The following VAV3 variants were observed in gnomAD, a reference collection of about 807,000 sequenced individuals.
VAV3 encodes vav guanine nucleotide exchange factor 3, also known as guanine nucleotide exchange factor VAV3.
A neutral mutation model predicts 131.2 loss-of-function variants in VAV3; 94 were observed. The observed-to-expected ratio is 0.72, with a 90% CI of 0.61 to 0.85. The LOEUF (loss-of-function observed/expected upper bound fraction) is 0.85, where lower values mean the gene tolerates loss of function less well. Ranked by LOEUF, VAV3 falls within the 40% of genes least tolerant of loss-of-function variation. The pLI is 0.00. For missense variants in VAV3, 939 were observed against 1,002.7 expected (o/e 0.94, Z 0.86); for synonymous variants, 349 against 342.0 (o/e 1.02, Z -0.22).
At chr1:107,603,452 G>C (rs1652022573) in intron 22 of VAV3, among the ~76,000 whole-genome samples, 1 of 152,162 alleles carries the variant, frequency 6.6e-6, no homozygotes. Context: ...TAAAAAGACA[G>C]TTGTGGGGAG....
At chr1:107,607,418 G>A (rs1275637135) in intron 22 of VAV3, among the ~76,000 whole-genome samples, 2 of 152,182 alleles carry the variant, frequency 1.3e-5, no homozygotes, top group African/African-American at 4.8e-5. Flanking sequence ...CTGTCACAGT[G>A]CTGAAACTGA....
At chr1:107,759,987 A>C (rs145141064) in intron 10 of VAV3, among the ~76,000 whole-genome samples, 1,713 of 152,298 alleles carry the variant, frequency 0.011, 11 homozygotes, top group South Asian at 0.031. Context: ...TTTTTAAGGA[A>C]TAATCAGGGT....
chr1:107,961,964 A>G (rs778959310), intron 1 of VAV3, among the ~76,000 whole-genome samples: 1 of 152,246 alleles, frequency 6.6e-6, no homozygotes, highest in Non-Finnish European at 1.5e-5. Context: ...AAGGCTGGTC[A>G]TTTTATAGCC....
chr1:107,670,535 GTA>G (rs1419300355), intron 19 of VAV3, among the ~76,000 whole-genome samples: 3 of 151,892 alleles, frequency 2.0e-5, no homozygotes, highest in Admixed American at 2.0e-4. Flanking sequence ...GAGACATGAA[GTA>G]TGTTTGTTCT....
At chr1:107,944,941 T>A (rs995339427) in intron 1 of VAV3, among the ~76,000 whole-genome samples, 2 of 151,820 alleles carry the variant, frequency 1.3e-5, no homozygotes, top group Non-Finnish European at 2.9e-5. Context: ...AAGTTAAGAG[T>A]GTAATATGAA....
chr1:107,845,659 G>C (rs1323579497), intron 2 of VAV3, among the ~76,000 whole-genome samples: 1 of 151,920 alleles, frequency 6.6e-6, no homozygotes, highest in East Asian at 1.9e-4. Context: ...GCATACACAA[G>C]TATCAACAGC....
intron 15 of VAV3, among the ~76,000 whole-genome samples, chr1:107,723,098 C>G (rs1321185707): frequency 2.0e-5 from 3 of 152,092 alleles, no homozygotes; most frequent in Non-Finnish European, 2.9e-5. Flanking sequence ...TATCTGTATC[C>G]AACTTGAGGA....
chr1:107,863,667 C>T (rs763019040), intron 2 of VAV3, among the ~76,000 whole-genome samples: 5 of 152,082 alleles, frequency 3.3e-5, no homozygotes, highest in South Asian at 2.1e-4. Context: ...CCTCTACTTA[C>T]GTATATAGAT....
chr1:107,900,534 C>A (rs538981134), intron 1 of VAV3, among the ~76,000 whole-genome samples: 79 of 152,244 alleles, frequency 5.2e-4, no homozygotes, highest in African/African-American at 1.9e-3. Flanking sequence ...ATATCAGACC[C>A]ATATTCAATC....
chr1:107,753,525 T>C lies in VAV3; in HGVS notation c.1173+1902A>G, dbSNP rs112528733. Among the ~76,000 whole-genome samples, 245 of 51,564 alleles carry C rather than the reference T, an allele frequency of 4.8e-3. 4 individuals are homozygous for C. The highest frequency in any genetic ancestry group is 0.015 in the African/African-American group (211 of 14,356). The allele number at this position is 51,564 out of a possible 152,430, so 33.8% of individuals were successfully genotyped here. ...ATATATATACACACATATATATATA[T>C]ACGTATATATATATATATATATATA... On this transcript the variant is annotated intron_variant, in intron 12 of 26. Coordinates refer to ENST00000370056, the MANE Select transcript of VAV3 (RefSeq NM_006113.5).
At chr1:107,691,932 G>C (rs1179938219) in intron 17 of VAV3, among the ~76,000 whole-genome samples, 1 of 152,106 alleles carries the variant, frequency 6.6e-6, no homozygotes, top group East Asian at 1.9e-4. Flanking sequence ...ATTTTTACTT[G>C]TTTAAATATA....
intron 1 of VAV3, among the ~76,000 whole-genome samples, chr1:107,883,096 C>T (rs908747239): frequency 2.0e-5 from 3 of 152,038 alleles, no homozygotes; most frequent in African/African-American, 7.2e-5. Context: ...TTAAGTCATT[C>T]GTTCAAAAAT....
At chr1:107,952,159 G>A (rs530598149) in intron 1 of VAV3, among the ~76,000 whole-genome samples, 2 of 152,188 alleles carry the variant, frequency 1.3e-5, no homozygotes, top group Admixed American at 1.3e-4. Flanking sequence ...GTCTTTTGCA[G>A]AGACATGGAT....
At chr1:107,634,586 CA>C (rs1347169877) in intron 20 of VAV3, among the ~76,000 whole-genome samples, 1 of 143,452 alleles carries the variant, frequency 7.0e-6, no homozygotes, top group Non-Finnish European at 1.6e-5. Context: ...TCTAAAACAC[CA>C]AAAGCAATGG....
At chr1:107,736,109 C>T (rs1662611855) in intron 15 of VAV3, among the ~76,000 whole-genome samples, 1 of 152,156 alleles carries the variant, frequency 6.6e-6, no homozygotes, top group South Asian at 2.1e-4. Context: ...ACAAAAATCA[C>T]ATGATTATCT....
chr1:107,912,813 A>G (rs548773797), intron 1 of VAV3, among the ~76,000 whole-genome samples: 1 of 152,318 alleles, frequency 6.6e-6, no homozygotes, highest in South Asian at 2.1e-4. Flanking sequence ...TCTCTAGCAG[A>G]TTCCTTTATG....
rs953044320 is a variant in VAV3 at position 107,642,821 on chromosome 1, T to C, written c.1778-66A>G. 9 of 1,591,406 alleles carry C rather than the reference T, an allele frequency of 5.7e-6. No individual in the cohort carries two copies. In the Admixed American group the frequency reaches 1.3e-4, roughly 23 times the overall value. ...TGATGCATGAAGTCTACATGAACTT[T>C]ACAAAAAATGTCATTATTAACATTA... is the stretch of plus-strand genomic sequence containing the variant. On this transcript the variant is annotated intron_variant, in intron 19 of 26. Transcript: ENST00000370056.
At chr1:107,795,613 C>G (rs1474071722) in intron 2 of VAV3, among the ~76,000 whole-genome samples, 1 of 152,154 alleles carries the variant, frequency 6.6e-6, no homozygotes, top group Non-Finnish European at 1.5e-5. Flanking sequence ...AAGGTTATTT[C>G]CCCCAGAGAA....
At chr1:107,656,058 A>G (rs986652860) in intron 19 of VAV3, among the ~76,000 whole-genome samples, 7 of 152,186 alleles carry the variant, frequency 4.6e-5, no homozygotes, top group Non-Finnish European at 1.0e-4. Flanking sequence ...TCAAAAAACT[A>G]AAAAATACAA....
Sources: allele counts gnomAD v4.1 joint callset (sites outside exome capture counted in the v4.1 genomes callset), GRCh38; gene constraint gnomAD v4.1.1; transcripts MANE v1.5; gene names NCBI Gene and HGNC (gene_info 2026-07-23, HGNC 2026-07-21).